Variants in PPP1R14C observed in about 807,000 individuals in gnomAD.
PPP1R14C encodes the protein protein phosphatase 1 regulatory subunit 14C.
Under a neutral mutation model 20.4 loss-of-function variants are expected in PPP1R14C, and 16 were observed. That is an observed-to-expected ratio of 0.78 (90% confidence interval 0.53 to 1.19). The LOEUF (loss-of-function observed/expected upper bound fraction) is 1.19, where lower values mean the gene tolerates loss of function less well. Ranked by LOEUF, PPP1R14C falls within the 50% of genes most tolerant of loss-of-function variation. The pLI is 0.00. For synonymous variants in PPP1R14C, 91 were observed against 91.0 expected, an observed-to-expected ratio of 1.00 and a Z score of 0.00; for missense variants, 211 against 220.1, an observed-to-expected ratio of 0.96 and a Z score of 0.26.
intron 3 of PPP1R14C, among the ~76,000 whole-genome samples, chr6:150,238,033 C>T (rs547862171): frequency 7.2e-5 from 11 of 152,294 alleles, no homozygotes; most frequent in South Asian, 2.1e-4. Flanking sequence ...GCAGTACATG[C>T]GACAATTTGT....
chr6:150,154,079 C>T (rs1376877527), intron 1 of PPP1R14C, among the ~76,000 whole-genome samples: 1 of 152,198 alleles, frequency 6.6e-6, no homozygotes, highest in Non-Finnish European at 1.5e-5. Flanking sequence ...TTAGTATATT[C>T]CACACAGTTA....
chr6:150,207,444 G>A (rs946500909), intron 1 of PPP1R14C, among the ~76,000 whole-genome samples: 6 of 152,200 alleles, frequency 3.9e-5, no homozygotes, highest in African/African-American at 1.2e-4. Context: ...TCATCTCCAT[G>A]CCTTGCGTGC....
At chr6:150,183,186 A>ATT (rs529133964) in intron 1 of PPP1R14C, among the ~76,000 whole-genome samples, 50 of 143,576 alleles carry the variant, frequency 3.5e-4, no homozygotes, top group African/African-American at 1.2e-3. Context: ...TTTGAAGGGG[A>ATT]TTTTTTTTTT....
chr6:150,158,454 CA>C (rs1022836261), intron 1 of PPP1R14C, among the ~76,000 whole-genome samples: 5 of 152,122 alleles, frequency 3.3e-5, no homozygotes, highest in African/African-American at 7.2e-5. Flanking sequence ...TGGGTTGCTT[CA>C]AGAGAATTAC....
chr6:150,203,869 A>G (rs1449022091), intron 1 of PPP1R14C, among the ~76,000 whole-genome samples: 2 of 152,226 alleles, frequency 1.3e-5, no homozygotes, highest in African/African-American at 4.8e-5. Flanking sequence ...AATGGCAAGC[A>G]AGACGTAGAC....
intron 1 of PPP1R14C, among the ~76,000 whole-genome samples, chr6:150,149,850 G>A (rs1290580040): frequency 2.6e-5 from 4 of 152,216 alleles, no homozygotes; most frequent in African/African-American, 7.2e-5. Flanking sequence ...GGTCAGGGGT[G>A]TTGGTGTATG....
intron 1 of PPP1R14C, among the ~76,000 whole-genome samples, chr6:150,211,367 G>T (rs190540515): frequency 7.8e-4 from 119 of 152,320 alleles, no homozygotes; most frequent in African/African-American, 2.7e-3. Context: ...TCTCACTAAT[G>T]TGGGGCAGGG....
intron 1 of PPP1R14C, among the ~76,000 whole-genome samples, chr6:150,214,003 T>C (rs1361074828): frequency 1.3e-5 from 2 of 152,238 alleles, no homozygotes; most frequent in Non-Finnish European, 2.9e-5. Flanking sequence ...CAAAACAGCC[T>C]TTCTTCAGGG....
At chr6:150,206,560 A>G (rs116324741) in intron 1 of PPP1R14C, among the ~76,000 whole-genome samples, 25 of 152,300 alleles carry the variant, frequency 1.6e-4, no homozygotes, top group African/African-American at 4.8e-4. Flanking sequence ...TTGTGAGACA[A>G]TGCCACTCCT....
intron 1 of PPP1R14C, among the ~76,000 whole-genome samples, chr6:150,165,178 CTAA>C (rs1248032302): frequency 6.6e-6 from 1 of 152,236 alleles, no homozygotes; most frequent in Non-Finnish European, 1.5e-5. Context: ...TGAGTATGTT[CTAA>C]TATTAGGTAG....
chr6:150,186,922 A>G (rs1000853927), intron 1 of PPP1R14C, among the ~76,000 whole-genome samples: 15 of 151,766 alleles, frequency 9.9e-5, no homozygotes, highest in Non-Finnish European at 1.9e-4. Flanking sequence ...GGAGCCATGG[A>G]AGCAGTGGTG....
intron 3 of PPP1R14C, among the ~76,000 whole-genome samples, chr6:150,229,927 C>T (rs1437261054): frequency 3.3e-5 from 5 of 152,028 alleles, no homozygotes; most frequent in African/African-American, 7.3e-5. Context: ...TGATGGTGGG[C>T]GAGAGGGCTT....
At chr6:150,145,002 T>C (rs1282806178) in intron 1 of PPP1R14C, among the ~76,000 whole-genome samples, 2 of 152,168 alleles carry the variant, frequency 1.3e-5, no homozygotes, top group Non-Finnish European at 2.9e-5. Context: ...ATACTGTTTT[T>C]TTTTTCTCCA....
intron 1 of PPP1R14C, among the ~76,000 whole-genome samples, chr6:150,202,360 C>T: frequency 6.6e-6 from 1 of 152,198 alleles, no homozygotes; most frequent in East Asian, 1.9e-4. Flanking sequence ...CAGATCAAGC[C>T]CACACCTCCT....
At chr6:150,196,256 C>A in intron 1 of PPP1R14C, 1 of 377,776 alleles carries the variant, frequency 2.6e-6, no homozygotes, top group Non-Finnish European at 3.6e-6. Context: ...GCCCTGCTTG[C>A]CTTTATAGCA....
At chr6:150,222,730 C>CTA (rs1341928822) in intron 3 of PPP1R14C, among the ~76,000 whole-genome samples, 1 of 148,582 alleles carries the variant, frequency 6.7e-6, no homozygotes, top group African/African-American at 2.5e-5. Flanking sequence ...TTCAGAATAG[C>CTA]CATAGCATGA....
chr6:150,211,736 T>G (rs1778026478), intron 1 of PPP1R14C, among the ~76,000 whole-genome samples: 1 of 152,262 alleles, frequency 6.6e-6, no homozygotes, highest in South Asian at 2.1e-4. Context: ...CAAGAGCCTC[T>G]GGGTCTCTAT....
At chr6:150,162,061 CTT>C (rs35656436) in intron 1 of PPP1R14C, among the ~76,000 whole-genome samples, 2 of 143,524 alleles carry the variant, frequency 1.4e-5, no homozygotes, top group Admixed American at 6.9e-5. Flanking sequence ...TTTCTTTTTT[CTT>C]TTTTTTTTTT....
chr6:150,203,607 T>G (rs1346047264), intron 1 of PPP1R14C, among the ~76,000 whole-genome samples: 1 of 152,184 alleles, frequency 6.6e-6, no homozygotes, highest in Non-Finnish European at 1.5e-5. Flanking sequence ...CTGGATTTCG[T>G]GTTCTGTGTT....
Sources: gnomAD v4.1 joint callset for allele counts (sites outside exome capture counted in the v4.1 genomes callset) on GRCh38, gnomAD v4.1.1 for gene constraint, MANE v1.5 for transcripts, NCBI Gene and HGNC (gene_info 2026-07-23, HGNC 2026-07-21) for gene names.